Variants in ARK2C observed in about 807,000 individuals in gnomAD.
ARK2C encodes the protein arkadia (RNF111) C-terminal like ring finger ubiquitin ligase 2C.
chr18:46,437,866 T>A, the ARK2C span, among the ~76,000 whole-genome samples: 2 of 152,206 alleles, frequency 1.3e-5, no homozygotes, highest in African/African-American at 4.8e-5. Context: ...GGTGGAGGTC[T>A]CTAAGTACCT....
the ARK2C span, among the ~76,000 whole-genome samples, chr18:46,420,126 G>A: frequency 6.6e-6 from 1 of 152,140 alleles, no homozygotes; most frequent in African/African-American, 2.4e-5. Flanking sequence ...CTCCCATGGC[G>A]CCTCCACTCA....
At chr18:46,406,229 G>T in the ARK2C span, among the ~76,000 whole-genome samples, 4 of 152,152 alleles carry the variant, frequency 2.6e-5, no homozygotes, top group Non-Finnish European at 5.9e-5. Context: ...AGCTCTTGTT[G>T]CATTGAACCC....
chr18:46,334,661 G>C, the ARK2C span: 1 of 416,156 alleles, frequency 2.4e-6, no homozygotes, highest in Non-Finnish European at 4.2e-6. This position sits in a 1 kb window ranked among gnomAD's most constrained non-coding sequence, Gnocchi z 4.4. Context: ...AAAGGAGAAA[G>C]ATACATGACC....
chr18:46,456,843 C>G, the ARK2C span: 1 of 547,130 alleles, frequency 1.8e-6, no homozygotes, highest in South Asian at 2.0e-5. Flanking sequence ...GCGACTGTCC[C>G]CATCCGCCTG....
chr18:46,432,354 CTTAAA>C, the ARK2C span, among the ~76,000 whole-genome samples: 5 of 152,166 alleles, frequency 3.3e-5, no homozygotes, highest in South Asian at 2.1e-4. Flanking sequence ...TTAACTATTA[CTTAAA>C]TTAAAAACTA....
the ARK2C span, among the ~76,000 whole-genome samples, chr18:46,381,456 G>T: frequency 2.6e-5 from 4 of 152,206 alleles, no homozygotes; most frequent in Non-Finnish European, 2.9e-5. Context: ...TGCTCTCAGG[G>T]ACATCCGTTG....
At chr18:46,448,175 G>C in the ARK2C span, among the ~76,000 whole-genome samples, 3 of 147,430 alleles carry the variant, frequency 2.0e-5, no homozygotes, top group Non-Finnish European at 4.5e-5. Flanking sequence ...CCTGTGTCCT[G>C]GCCCCCTTAT....
At chr18:46,455,937 C>T in the ARK2C span, 2 of 1,350,718 alleles carry the variant, frequency 1.5e-6, no homozygotes, top group East Asian at 4.7e-5. Flanking sequence ...CTGAGTCTGC[C>T]CCAGGTAATG....
the ARK2C span, among the ~76,000 whole-genome samples, chr18:46,399,075 G>A: frequency 1.3e-5 from 2 of 152,138 alleles, no homozygotes; most frequent in African/African-American, 2.4e-5. Context: ...AGAAACTGTC[G>A]TTTTTCTATG....
the ARK2C span, among the ~76,000 whole-genome samples, chr18:46,430,327 A>G: frequency 8.5e-5 from 13 of 152,110 alleles, no homozygotes; most frequent in African/African-American, 3.1e-4. Flanking sequence ...AAAAATCTCA[A>G]GCTGTTCTGA....
chr18:46,366,370 A>C, the ARK2C span, among the ~76,000 whole-genome samples: 1 of 150,834 alleles, frequency 6.6e-6, no homozygotes, highest in Non-Finnish European at 1.5e-5. Context: ...CTGGCAGATT[A>C]GGGAGAGACA....
At chr18:46,434,572 G>T in the ARK2C span, among the ~76,000 whole-genome samples, 1 of 152,240 alleles carries the variant, frequency 6.6e-6, no homozygotes, top group Non-Finnish European at 1.5e-5. Context: ...CAGAATGAGA[G>T]TGAAAAGGCA....
the ARK2C span, among the ~76,000 whole-genome samples, chr18:46,447,918 G>C: frequency 2.9e-5 from 4 of 137,886 alleles, no homozygotes; most frequent in African/African-American, 1.1e-4. Flanking sequence ...CAGATCAACA[G>C]CTCCCCTCTC....
the ARK2C span, among the ~76,000 whole-genome samples, chr18:46,451,944 G>C: frequency 2.0e-5 from 3 of 152,156 alleles, no homozygotes; most frequent in African/African-American, 7.2e-5. Flanking sequence ...TAACATTCTA[G>C]AAAAGGCAAA....
chr18:46,402,162 C>T, the ARK2C span, among the ~76,000 whole-genome samples: 2 of 152,210 alleles, frequency 1.3e-5, no homozygotes, highest in African/African-American at 4.8e-5. Context: ...TTGGTGAGTT[C>T]TGACATGTAT....
the ARK2C span, among the ~76,000 whole-genome samples, chr18:46,403,372 C>A: frequency 6.6e-6 from 1 of 152,048 alleles, no homozygotes; most frequent in East Asian, 1.9e-4. Context: ...TCCCTGCCCC[C>A]GGAGAGAGCC....
At chr18:46,370,455 G>A in the ARK2C span, among the ~76,000 whole-genome samples, 1 of 152,170 alleles carries the variant, frequency 6.6e-6, no homozygotes, top group African/African-American at 2.4e-5. Flanking sequence ...GGAGGAGGGG[G>A]TTTAGGGGGA....
At chr18:46,424,354 G>A in the ARK2C span, among the ~76,000 whole-genome samples, 4 of 152,240 alleles carry the variant, frequency 2.6e-5, no homozygotes, top group Admixed American at 1.3e-4. Flanking sequence ...GAGAGAGCAA[G>A]GCTGGGAGGG....
the ARK2C span, among the ~76,000 whole-genome samples, chr18:46,415,690 T>A: frequency 6.6e-6 from 1 of 152,218 alleles, no homozygotes; most frequent in South Asian, 2.1e-4. Flanking sequence ...CTGGGCCAAG[T>A]GATGCTGAGC....
Sources: allele counts gnomAD v4.1 joint callset (sites outside exome capture counted in the v4.1 genomes callset), GRCh38; gene constraint gnomAD v4.1.1; non-coding constraint Gnocchi (gnomAD v3.1); transcripts MANE v1.5; gene names NCBI Gene and HGNC (gene_info 2026-07-23, HGNC 2026-07-21).